INPP5D: variants seen among roughly 807,000 people sequenced by gnomAD.
The protein encoded by INPP5D is phosphatidylinositol 3,4,5-trisphosphate 5-phosphatase 1.
In INPP5D, 33 loss-of-function variants were observed where a neutral mutation model predicts 122.9. That is an observed-to-expected ratio of 0.27 (90% CI 0.20 to 0.36). The LOEUF is 0.36. Ranked by LOEUF, INPP5D falls within the 10% of genes least tolerant of loss-of-function variation. INPP5D has a pLI of 1.00. For missense variants in INPP5D, 1,053 were observed against 1,412.7 expected (o/e 0.75, Z 4.08); for synonymous variants, 584 against 576.2 (o/e 1.01, Z -0.19).
intron 5 of INPP5D, among the ~76,000 whole-genome samples, chr2:233,133,072 AC>A (rs1693375050): frequency 6.6e-6 from 1 of 151,808 alleles, no homozygotes; most frequent in Non-Finnish European, 1.5e-5. Context: ...AGCTGGGACT[AC>A]AGGTATGTGC....
chr2:233,176,163 C>G (rs529064702), intron 17 of INPP5D, among the ~76,000 whole-genome samples: 4 of 152,160 alleles, frequency 2.6e-5, no homozygotes, highest in African/African-American at 9.7e-5. Context: ...TGCCAGTTTA[C>G]CTTGTCTATC....
In INPP5D at chr2:233,120,213, G is replaced by A. The variant is rs577256640; in HGVS notation, c.199-1894G>A. Among the ~76,000 whole-genome samples, 3 of 152,316 alleles carry A rather than the reference G, an allele frequency of 2.0e-5. No individual in the cohort carries two copies. The South Asian group carries it at 6.2e-4, about 32-fold the overall frequency. ...AATGACCTGAAAGTTGCTGGGTGTG[G>A]TGGCTTACACCTGTAATCCCAGCAG... On this transcript the variant is annotated intron_variant, in intron 2 of 26. Coordinates refer to ENST00000445964, the MANE Select transcript of INPP5D (RefSeq NM_001017915.3).
Position 233,189,909 on chromosome 2 carries a change from C to A in INPP5D, c.2418C>A (p.Ile806=). Residue 806 remains isoleucine, a synonymous_variant, in exon 22 of 27, where the codon ATC becomes ATA. Transcript: ENST00000445964. This position sits in a 1 kb window ranked among gnomAD's most constrained non-coding sequence, Gnocchi z 5.6. ...YLLDQHILIS[I]KSSDSDESYG... ...TAGACCAGCACATCCTCATCAGCAT[C>A]AAGTCCTCTGACAGCGACGAATCCT... 1 of 1,613,560 alleles carries A rather than the reference C, an allele frequency of 6.2e-7. No individual in the cohort carries two copies. The highest frequency in any genetic ancestry group is 1.3e-5 in the African/African-American group (1 of 75,022).
intron 18 of INPP5D, among the ~76,000 whole-genome samples, chr2:233,179,235 A>C (rs1694724116): frequency 6.6e-6 from 1 of 151,808 alleles, no homozygotes; most frequent in Non-Finnish European, 1.5e-5. Flanking sequence ...CAGCCTCCTC[A>C]CTTGTGCATT....
In INPP5D at chr2:233,183,026, G is replaced by A. The variant is rs145972164; in HGVS notation, c.2161+527G>A. On this transcript the variant is annotated intron_variant, in intron 19 of 26. Coordinates refer to ENST00000445964, the MANE Select transcript of INPP5D (RefSeq NM_001017915.3). This position sits in a 1 kb window ranked among gnomAD's most constrained non-coding sequence, Gnocchi z 4.6. ...GTGGTAGGCAGAGATGGTAAAAATC[G>A]TTAAGATGGGATGCAAATGACTGAG... 3.3e-5 allele frequency among the ~76,000 whole-genome samples: 5 copies of A among 152,262 alleles called. No homozygotes were observed. The highest frequency in any genetic ancestry group is 3.9e-4 in the East Asian group (2 of 5,190).
intron 2 of INPP5D, among the ~76,000 whole-genome samples, chr2:233,119,198 C>A (rs115373923): frequency 6.6e-6 from 1 of 152,206 alleles, no homozygotes; most frequent in Non-Finnish European, 1.5e-5. Flanking sequence ...CTCAAACACG[C>A]GTTCTTCAGA....
chr2:233,081,530 C>T (rs967982944), intron 2 of INPP5D, among the ~76,000 whole-genome samples: 13 of 152,142 alleles, frequency 8.5e-5, no homozygotes, highest in East Asian at 3.9e-4. Context: ...ACTGCGTCTC[C>T]GGTTTGCCCC....
At chr2:233,110,940 C>CAA (rs113753852) in intron 2 of INPP5D, among the ~76,000 whole-genome samples, 5 of 134,398 alleles carry the variant, frequency 3.7e-5, no homozygotes, top group African/African-American at 5.6e-5. Context: ...AAAAAAACAA[C>CAA]AAAAAAAAAA....
intron 2 of INPP5D, among the ~76,000 whole-genome samples, chr2:233,116,220 T>G (rs954447624): frequency 4.8e-5 from 5 of 103,888 alleles, no homozygotes; most frequent in African/African-American, 2.2e-4. Flanking sequence ...TATGTAGATA[T>G]ATATGTAGAT....
chr2:233,191,269 C>T (rs1695049333), intron 22 of INPP5D, among the ~76,000 whole-genome samples: 1 of 152,158 alleles, frequency 6.6e-6, no homozygotes, highest in African/African-American at 2.4e-5. Flanking sequence ...CATCAGATCT[C>T]TTGAGAACTC....
At position 233,189,449 on chromosome 2, in the gene INPP5D, G is replaced by T. The variant is rs1249373766; in HGVS notation, c.2359-401G>T. Among the ~76,000 whole-genome samples the T allele has an allele frequency of 6.6e-6, 1 of 152,214 alleles. No individual in the cohort carries two copies. The highest frequency in any genetic ancestry group is 2.4e-5 in the African/African-American group (1 of 41,460). On this transcript the variant is annotated intron_variant, in intron 21 of 26. Coordinates refer to ENST00000445964, the MANE Select transcript of INPP5D (RefSeq NM_001017915.3). The surrounding 1 kb of genome is among the most constrained non-coding windows in gnomAD (Gnocchi z 5.6). ...CTCTGTAGGGGGAGCCTGGCGCAGG[G>T]TGGAGTGCATGGATCATTCCAGACC...
intron 5 of INPP5D, chr2:233,130,963 T>C: frequency 4.0e-6 from 2 of 500,026 alleles, no homozygotes; most frequent in East Asian, 5.1e-5. Flanking sequence ...GCTCTTAAGA[T>C]TTTTGCTGCT....
chr2:233,149,616 C>A (rs1693871681), intron 9 of INPP5D, among the ~76,000 whole-genome samples: 1 of 152,160 alleles, frequency 6.6e-6, no homozygotes, highest in African/African-American at 2.4e-5. Flanking sequence ...TGCTCAAATT[C>A]CTTCAGCTGA....
intron 2 of INPP5D, among the ~76,000 whole-genome samples, chr2:233,084,173 T>C (rs561477827): frequency 6.6e-6 from 1 of 152,290 alleles, no homozygotes; most frequent in South Asian, 2.1e-4. Flanking sequence ...CCCACCTCAG[T>C]CTCCTGAGTA....
At chr2:233,088,810 TGGGACACAAAAAACTCA>T (rs1182825102) in intron 2 of INPP5D, among the ~76,000 whole-genome samples, 1 of 152,146 alleles carries the variant, frequency 6.6e-6, no homozygotes. Context: ...GCTGAGACTT[TGGGACACAAAAAACTCA>T]GGTGTCCTGG....
intron 24 of INPP5D, among the ~76,000 whole-genome samples, chr2:233,196,259 C>A (rs762866110): frequency 6.6e-6 from 1 of 152,264 alleles, no homozygotes; most frequent in South Asian, 2.1e-4. Context: ...GCCTCCTCTG[C>A]GAGTCTGTTG....
At chr2:233,071,508 T>G (rs1188052063) in intron 1 of INPP5D, among the ~76,000 whole-genome samples, 7 of 152,152 alleles carry the variant, frequency 4.6e-5, no homozygotes, top group South Asian at 2.1e-4. Context: ...ATAAAATATT[T>G]TATTTTAGGT....
At chr2:233,138,253 G>C (rs963480493) in intron 5 of INPP5D, among the ~76,000 whole-genome samples, 4 of 147,504 alleles carry the variant, frequency 2.7e-5, no homozygotes, top group African/African-American at 1.0e-4. Context: ...AGGAGGCTGA[G>C]GCAGGATCAC....
intron 17 of INPP5D, chr2:233,171,353 C>G: frequency 1.5e-6 from 1 of 652,820 alleles, no homozygotes; most frequent in Non-Finnish European, 2.4e-6. Context: ...GAAAATAACC[C>G]TTGTGATTTA....
Sources: allele counts gnomAD v4.1 joint callset (sites outside exome capture counted in the v4.1 genomes callset), GRCh38; gene constraint gnomAD v4.1.1; non-coding constraint Gnocchi (gnomAD v3.1); transcripts MANE v1.5; gene names NCBI Gene and HGNC (gene_info 2026-07-23, HGNC 2026-07-21).